RGS6: variants seen among roughly 807,000 people sequenced by gnomAD.
The protein encoded by RGS6 is regulator of G-protein signaling 6.
RGS6 carries 30 observed loss-of-function variants against 78.5 expected under a neutral mutation model. The ratio of observed to expected loss-of-function variants is 0.38; its 90% CI spans 0.29 to 0.52. The LOEUF is 0.52. Ranked by LOEUF, RGS6 falls within the 20% of genes least tolerant of loss-of-function variation. The probability of loss-of-function intolerance (pLI) is 0.85; values close to 1 mark genes in which losing one functional copy is unlikely to be tolerated. For synonymous variants in RGS6, 206 were observed against 206.0 expected (o/e 1.00, Z 0.00); for missense variants, 495 against 609.7 (o/e 0.81, Z 1.98).
chr14:72,542,992 G>C (rs144433275), intron 17 of RGS6, among the ~76,000 whole-genome samples: 1 of 152,294 alleles, frequency 6.6e-6, no homozygotes, highest in African/African-American at 2.4e-5. Context: ...AGTGCTGTAT[G>C]AGCTTCTCTT....
intron 3 of RGS6, among the ~76,000 whole-genome samples, chr14:72,406,815 G>A (rs2239217): frequency 0.42 from 63,572 of 151,968 alleles, 14,750 homozygotes; most frequent in East Asian, 0.61. Flanking sequence ...CTTTGGACTC[G>A]GAGGGAAGTC....
rs539683335 is a variant in RGS6 at position 72,361,984 on chromosome 14, G to A, written c.184+9790G>A. On this transcript the variant is annotated intron_variant, in intron 3 of 17. Coordinates refer to ENST00000553525, the MANE Select transcript of RGS6 (RefSeq NM_001204424.2). ...GCAGGGAAGCAGGACCACTGGGGAAGAATGAGAAGATGAAAGGAATATTAA... is the reference window on the plus strand; with the variant it reads ...GCAGGGAAGCAGGACCACTGGGGAAAAATGAGAAGATGAAAGGAATATTAA... Among the ~76,000 whole-genome samples, 28 of 152,306 alleles carry A rather than the reference G, an allele frequency of 1.8e-4. No individual in the cohort carries two copies. In the South Asian group the frequency reaches 5.0e-3, roughly 27 times the overall value.
Position 72,508,562 on chromosome 14 carries a change from C to CTTTTTTTTTTT in RGS6, c.966-1571_966-1561dup, listed in dbSNP as rs61097187. On this transcript the variant is annotated intron_variant, in intron 13 of 17. Coordinates refer to ENST00000553525, the MANE Select transcript of RGS6 (RefSeq NM_001204424.2). The stretch of plus-strand genomic sequence containing the variant: ...CCAAGCTTTCCACGCACACAAGCTC[C>CTTTTTTTTTTT]TTTTTTTTTTTTTTTTTTTTTTTTT... 4.8e-4 allele frequency among the ~76,000 whole-genome samples: 27 copies of CTTTTTTTTTTT among 56,472 alleles called. 2 individuals are homozygous for CTTTTTTTTTTT. Among genetic ancestry groups the CTTTTTTTTTTT allele is most frequent in the South Asian group, 9.9e-4 (1 of 1,010 alleles). 37.0% of individuals were successfully genotyped at this position (56,472 alleles called of 152,430 possible).
intron 17 of RGS6, 84 bp downstream of exon 17, chr14:72,540,178 G>C (rs1426778228): frequency 6.9e-7 from 1 of 1,446,796 alleles, no homozygotes; most frequent in Non-Finnish European, 9.3e-7. Flanking sequence ...TTTTCCCTTT[G>C]GTTGTTGTTT....
chr14:72,610,176 C>T, the RGS6 span, among the ~76,000 whole-genome samples: 1 of 152,200 alleles, frequency 6.6e-6, no homozygotes, highest in Non-Finnish European at 1.5e-5. Flanking sequence ...AGGTTTGCTT[C>T]GTATCTGCAG....
chr14:72,223,261 G>A (rs1312098435), intron 2 of RGS6, among the ~76,000 whole-genome samples: 43 of 152,140 alleles, frequency 2.8e-4, no homozygotes. Flanking sequence ...CACAAACCTG[G>A]CCTTAAGGTT....
At chr14:72,224,978 C>T (rs147943801) in intron 2 of RGS6, among the ~76,000 whole-genome samples, 1 of 152,224 alleles carries the variant, frequency 6.6e-6, no homozygotes, top group African/African-American at 2.4e-5. Context: ...TTGGAATTGC[C>T]ACAAAAATAT....
At chr14:72,080,258 T>C (rs2094761848) in intron 2 of RGS6, among the ~76,000 whole-genome samples, 3 of 152,220 alleles carry the variant, frequency 2.0e-5, no homozygotes, top group Non-Finnish European at 4.4e-5. Context: ...CATTGTGGTC[T>C]TAATTTGCAT....
downstream of RGS6, among the ~76,000 whole-genome samples, chr14:72,567,702 A>G (rs2097715212): frequency 6.6e-6 from 1 of 152,142 alleles, no homozygotes; most frequent in Non-Finnish European, 1.5e-5. Flanking sequence ...GCCTCTGATG[A>G]GTGTCTCTGA....
At chr14:72,261,243 A>T (rs1036912390) in intron 2 of RGS6, among the ~76,000 whole-genome samples, 5 of 152,178 alleles carry the variant, frequency 3.3e-5, no homozygotes, top group Non-Finnish European at 7.3e-5. Context: ...TGATGTAAGA[A>T]GATGTTCCGT....
At chr14:72,104,701 A>G (rs2095598254) in intron 2 of RGS6, among the ~76,000 whole-genome samples, 1 of 152,216 alleles carries the variant, frequency 6.6e-6, no homozygotes, top group African/African-American at 2.4e-5. Flanking sequence ...TTATAAACAC[A>G]AATATGAGAA....
At chr14:72,242,814 G>GTATTT (rs1712571739) in intron 2 of RGS6, among the ~76,000 whole-genome samples, 1 of 136,060 alleles carries the variant, frequency 7.3e-6, no homozygotes, top group South Asian at 2.4e-4. Flanking sequence ...TCTTGATACA[G>GTATTT]TATTTTTCCA....
chr14:72,389,185 C>A lies in RGS6; in HGVS notation c.184+36991C>A, dbSNP rs147530500. On this transcript the variant is annotated intron_variant, in intron 3 of 17. Coordinates refer to ENST00000553525, the MANE Select transcript of RGS6 (RefSeq NM_001204424.2). The stretch of plus-strand genomic sequence containing the variant: ...ATGACTTTGCCAGCTTCCTGTATTT[C>A]CCTTGAGAAGTGGAGCGGTGCTAAT... Among the ~76,000 whole-genome samples, 455 of 152,238 alleles carry A rather than the reference C, an allele frequency of 3.0e-3. 3 individuals are homozygous for A. Among genetic ancestry groups the A allele is most frequent in the African/African-American group, 0.011 (441 of 41,550 alleles).
At chr14:72,507,696 T>TG (rs2096825709) in intron 13 of RGS6, among the ~76,000 whole-genome samples, 5 of 152,080 alleles carry the variant, frequency 3.3e-5, no homozygotes, top group Admixed American at 3.3e-4. Context: ...CAGAAAGGGG[T>TG]GACACTGGTG....
chr14:71,980,486 G>C (rs1242234770), intron 2 of RGS6, among the ~76,000 whole-genome samples: 1 of 125,482 alleles, frequency 8.0e-6, no homozygotes, highest in African/African-American at 3.0e-5. Flanking sequence ...GCATTTGCTT[G>C]TCTGTAAAGT....
At chr14:72,126,588 CT>C (rs2096199208) in intron 2 of RGS6, among the ~76,000 whole-genome samples, 1 of 152,212 alleles carries the variant, frequency 6.6e-6, no homozygotes, top group Non-Finnish European at 1.5e-5. Context: ...TCCAATGCCA[CT>C]GAATTCCTTA....
chr14:72,444,575 C>G (rs1413511576), intron 3 of RGS6, among the ~76,000 whole-genome samples: 1 of 152,216 alleles, frequency 6.6e-6, no homozygotes, highest in East Asian at 1.9e-4. Flanking sequence ...GGGGTCTTCT[C>G]CCTCAGCGTG....
At chr14:71,919,670 G>C in the RGS6 span, among the ~76,000 whole-genome samples, 1 of 152,122 alleles carries the variant, frequency 6.6e-6, no homozygotes, top group South Asian at 2.1e-4. Flanking sequence ...AACACCAGAG[G>C]ATTTGTTAGT....
chr14:72,619,392 T>C, the RGS6 span: 31 of 1,535,652 alleles, frequency 2.0e-5, no homozygotes, highest in African/African-American at 3.7e-4. Flanking sequence ...ACGGCTTTAG[T>C]AGCAGCCCCT....
Sources: gnomAD v4.1 joint callset for allele counts (sites outside exome capture counted in the v4.1 genomes callset) on GRCh38, gnomAD v4.1.1 for gene constraint, MANE v1.5 for transcripts, NCBI Gene and HGNC (gene_info 2026-07-23, HGNC 2026-07-21) for gene names.